PACSIN2: variants seen among roughly 807,000 people sequenced by gnomAD.
The protein encoded by PACSIN2 is protein kinase C and casein kinase substrate in neurons 2.
Under a neutral mutation model 63.8 loss-of-function variants are expected in PACSIN2, and 25 were observed. That is an observed-to-expected ratio of 0.39 (90% CI 0.29 to 0.55). The LOEUF is 0.55. Ranked by LOEUF, PACSIN2 falls within the 20% of genes least tolerant of loss-of-function variation. The probability of loss-of-function intolerance (pLI) is 0.62; values close to 1 mark genes in which losing one functional copy is unlikely to be tolerated. For missense variants in PACSIN2, 518 were observed against 646.9 expected, an observed-to-expected ratio of 0.80 and a Z score of 2.16; for synonymous variants, 255 against 256.2, an observed-to-expected ratio of 1.00 and a Z score of 0.05.
chr22:42,896,379 T>C (rs140636930), intron 2 of PACSIN2, among the ~76,000 whole-genome samples: 141 of 55,494 alleles, frequency 2.5e-3, no homozygotes, highest in Middle Eastern at 0.018. Flanking sequence ...TTCGATTGTG[T>C]AGTTATGCCA....
intron 1 of PACSIN2, among the ~76,000 whole-genome samples, chr22:42,929,122 C>A (rs964205189): frequency 6.6e-6 from 1 of 152,252 alleles, no homozygotes; most frequent in Non-Finnish European, 1.5e-5. Context: ...CAGATCCAGG[C>A]CTGACGGCCG....
intron 1 of PACSIN2, among the ~76,000 whole-genome samples, chr22:42,987,494 C>CACA (rs769969045): frequency 0.053 from 3,608 of 67,796 alleles, 132 homozygotes; most frequent in East Asian, 0.094. Context: ...ACACACACAC[C>CACA]CATGGCACCA....
In PACSIN2 at chr22:42,884,372, C is replaced by T. The variant is rs765945510; in HGVS notation, c.785+14G>A. ...CTTCAATGACGTGTGTGTTTTAGCT[C>T]AAAGGAAACTTACCCAGCCACATTG... is the stretch of plus-strand genomic sequence containing the variant. On this transcript the variant is annotated intron_variant, in intron 6 of 10. Transcript: ENST00000263246. The T allele has an allele frequency of 6.2e-7, 1 of 1,605,696 alleles. No individual in the cohort carries two copies. The highest frequency in any genetic ancestry group is 8.5e-7 in the Non-Finnish European group (1 of 1,176,014).
intron 1 of PACSIN2, among the ~76,000 whole-genome samples, chr22:42,995,322 T>C (rs146419425): frequency 1.3e-5 from 2 of 152,256 alleles, no homozygotes; most frequent in Admixed American, 6.5e-5. Context: ...AATGCAAATA[T>C]TTAAAGAACA....
chr22:43,014,367 A>ACC (rs1160186769), intron 1 of PACSIN2, among the ~76,000 whole-genome samples: 17 of 9,474 alleles, frequency 1.8e-3, no homozygotes, highest in East Asian at 0.012. Flanking sequence ...CACACACACC[A>ACC]CCCCCCCCCC....
chr22:43,005,510 G>A (rs555184864), intron 1 of PACSIN2, among the ~76,000 whole-genome samples: 65 of 152,304 alleles, frequency 4.3e-4, no homozygotes, highest in African/African-American at 1.4e-3. Flanking sequence ...GTAAGTGCCA[G>A]GATATGAGGG....
chr22:42,909,776 C>T (rs1263944860), intron 2 of PACSIN2, among the ~76,000 whole-genome samples: 1 of 152,224 alleles, frequency 6.6e-6, no homozygotes, highest in Non-Finnish European at 1.5e-5. Context: ...TGTTTTTTAA[C>T]AAGCAGCTGA....
chr22:43,001,126 G>GCATGC (rs756323286), intron 1 of PACSIN2, among the ~76,000 whole-genome samples: 4 of 152,222 alleles, frequency 2.6e-5, no homozygotes. Context: ...CCCTATCAGT[G>GCATGC]CATGCCATGC....
chr22:42,956,068 A>G, intron 1 of PACSIN2, among the ~76,000 whole-genome samples: 1 of 152,216 alleles, frequency 6.6e-6, no homozygotes, highest in East Asian at 1.9e-4. Context: ...TTCCAGCAAA[A>G]TCATTCTTCC....
intron 1 of PACSIN2, among the ~76,000 whole-genome samples, chr22:43,007,147 G>A (rs1007290135): frequency 6.6e-6 from 1 of 151,892 alleles, no homozygotes; most frequent in Non-Finnish European, 1.5e-5. Flanking sequence ...TGTCCTCCAG[G>A]AGAATATAAG....
At chr22:42,980,896 C>T (rs2146884009) in intron 1 of PACSIN2, among the ~76,000 whole-genome samples, 1 of 60,864 alleles carries the variant, frequency 1.6e-5, no homozygotes, top group South Asian at 6.6e-4. Context: ...AGCCTCTGCC[C>T]GGCCGCCACC....
intron 1 of PACSIN2, among the ~76,000 whole-genome samples, chr22:42,992,338 A>G (rs1275075865): frequency 1.3e-5 from 2 of 152,234 alleles, no homozygotes; most frequent in African/African-American, 4.8e-5. Flanking sequence ...GCACTTTGGA[A>G]AAGTTTGGCA....
At chr22:42,967,739 T>C (rs1028698877) in intron 1 of PACSIN2, among the ~76,000 whole-genome samples, 1 of 151,958 alleles carries the variant, frequency 6.6e-6, no homozygotes, top group Admixed American at 6.5e-5. Context: ...ATACAAAAAA[T>C]TAGCCGGGCG....
intron 1 of PACSIN2, among the ~76,000 whole-genome samples, chr22:42,930,854 A>T (rs1316367167): frequency 6.6e-6 from 1 of 152,260 alleles, no homozygotes; most frequent in Non-Finnish European, 1.5e-5. Flanking sequence ...AACCCAGACC[A>T]GGTGCTCCAG....
At chr22:42,976,592 T>C (rs981562684) in intron 1 of PACSIN2, among the ~76,000 whole-genome samples, 1 of 152,276 alleles carries the variant, frequency 6.6e-6, no homozygotes, top group African/African-American at 2.4e-5. Context: ...ATGACTGTTT[T>C]AGATTTTCAT....
chr22:42,924,210 C>G (rs4822228), intron 1 of PACSIN2, among the ~76,000 whole-genome samples: 95,605 of 151,866 alleles, frequency 0.63, 31,215 homozygotes, highest in East Asian at 0.82. Context: ...AAGCCAAGGA[C>G]ATGACCAGAC....
chr22:42,881,106 G>A (rs1929037474), intron 7 of PACSIN2, among the ~76,000 whole-genome samples: 1 of 152,182 alleles, frequency 6.6e-6, no homozygotes, highest in Non-Finnish European at 1.5e-5. Flanking sequence ...AAGTCCTGGG[G>A]CTGGCGCAGG....
At chr22:42,899,611 G>A (rs1930533967) in intron 2 of PACSIN2, among the ~76,000 whole-genome samples, 1 of 152,188 alleles carries the variant, frequency 6.6e-6, no homozygotes, top group Non-Finnish European at 1.5e-5. Flanking sequence ...GACTGGGCAG[G>A]CCTCTGTGCA....
chr22:42,875,446 T>C (rs539788675), intron 10 of PACSIN2, among the ~76,000 whole-genome samples: 1 of 152,184 alleles, frequency 6.6e-6, no homozygotes, highest in Non-Finnish European at 1.5e-5. Context: ...CATGATTCAT[T>C]GCAACCTCAA....
Sources: allele counts gnomAD v4.1 joint callset (sites outside exome capture counted in the v4.1 genomes callset), GRCh38; gene constraint gnomAD v4.1.1; transcripts MANE v1.5; gene names NCBI Gene and HGNC (gene_info 2026-07-23, HGNC 2026-07-21).